The following ZNF804B variants were observed in gnomAD, a reference collection of about 807,000 sequenced individuals.
ZNF804B encodes zinc finger protein 804B, also known as zinc finger 804B.
A neutral mutation model predicts 101.4 loss-of-function variants in ZNF804B; 80 were observed. That is an observed-to-expected ratio of 0.79 (90% CI 0.66 to 0.95). ZNF804B has a LOEUF of 0.95. ZNF804B is among the 40% of genes least tolerant of loss of function. The pLI is 0.00. For synonymous variants in ZNF804B, 622 were observed against 558.8 expected, an observed-to-expected ratio of 1.11 and a Z score of -1.59; for missense variants, 1,673 against 1,561.9, an observed-to-expected ratio of 1.07 and a Z score of -1.20.
intron 1 of ZNF804B, among the ~76,000 whole-genome samples, chr7:89,183,726 G>A (rs1788334330): frequency 6.6e-6 from 1 of 152,060 alleles, no homozygotes; most frequent in East Asian, 1.9e-4. Flanking sequence ...CAGAATCACA[G>A]CACTCATTTT....
intron 1 of ZNF804B, among the ~76,000 whole-genome samples, chr7:89,048,509 T>C (rs772160084): frequency 1.3e-5 from 2 of 151,872 alleles, no homozygotes; most frequent in African/African-American, 2.4e-5. Context: ...GTTCAGTTGG[T>C]TGGGATGCTT....
At chr7:89,155,928 C>T (rs1321803940) in intron 1 of ZNF804B, among the ~76,000 whole-genome samples, 1 of 150,028 alleles carries the variant, frequency 6.7e-6, no homozygotes, top group South Asian at 2.2e-4. Flanking sequence ...CTTTCCCTTG[C>T]TTTCCCTTTC....
intron 1 of ZNF804B, among the ~76,000 whole-genome samples, chr7:89,028,688 T>C (rs1345005442): frequency 6.6e-6 from 1 of 152,184 alleles, no homozygotes; most frequent in Non-Finnish European, 1.5e-5. Flanking sequence ...AATTATGCTT[T>C]GTTTGTGCTG....
Position 89,335,715 on chromosome 7 carries a change from A to C in ZNF804B, c.2733A>C (p.Thr911=). 1.2e-6 allele frequency: 2 copies of C among 1,614,102 alleles called. No individual in the cohort carries two copies. The highest frequency in any genetic ancestry group is 1.7e-6 in the Non-Finnish European group (2 of 1,179,974). The change falls in exon 4 of 4, where the codon ACA becomes ACC. Residue 911 remains threonine (T), a synonymous_variant. Coordinates refer to ENST00000333190, the MANE Select transcript of ZNF804B (RefSeq NM_181646.5). The part of the protein sequence containing the change: ...KNCSSGPSET[T]ESNTAEGERT... ...GTTCCAGTGGCCCTTCAGAAACCACAGAATCAAACACTGCAGAAGGAGAGA... is the reference window on the plus strand; with the variant it reads ...GTTCCAGTGGCCCTTCAGAAACCACCGAATCAAACACTGCAGAAGGAGAGA...
intron 1 of ZNF804B, among the ~76,000 whole-genome samples, chr7:88,813,777 A>G (rs546609962): frequency 2.9e-4 from 44 of 152,338 alleles, no homozygotes; most frequent in African/African-American, 9.9e-4. Flanking sequence ...ATAAACTTAT[A>G]TATTTTCTTA....
chr7:88,793,265 G>A (rs1790408180), intron 1 of ZNF804B, among the ~76,000 whole-genome samples: 1 of 152,036 alleles, frequency 6.6e-6, no homozygotes, highest in African/African-American at 2.4e-5. Context: ...TGGTCACATA[G>A]AAATTATATA....
intron 2 of ZNF804B, among the ~76,000 whole-genome samples, chr7:89,299,023 C>T (rs1232548831): frequency 6.6e-6 from 1 of 151,950 alleles, no homozygotes; most frequent in Admixed American, 6.6e-5. Flanking sequence ...TCAGATACCA[C>T]ACCTACTTCT....
chr7:89,222,696 T>G (rs1304841506), intron 2 of ZNF804B, among the ~76,000 whole-genome samples: 1 of 151,934 alleles, frequency 6.6e-6, no homozygotes, highest in African/African-American at 2.4e-5. Flanking sequence ...TGTCTCTTTT[T>G]CAACACATAC....
intron 2 of ZNF804B, among the ~76,000 whole-genome samples, chr7:89,318,519 T>A (rs1790765041): frequency 6.6e-6 from 1 of 152,152 alleles, no homozygotes; most frequent in Non-Finnish European, 1.5e-5. Flanking sequence ...TCCCAGCACT[T>A]TGAGAGGTCA....
intron 1 of ZNF804B, among the ~76,000 whole-genome samples, chr7:88,931,139 T>C (rs1483206634): frequency 6.6e-6 from 1 of 151,940 alleles, no homozygotes; most frequent in Non-Finnish European, 1.5e-5. Context: ...GCATACACAG[T>C]ATAAACTTTC....
chr7:89,330,207 G>C (rs1192019087), intron 3 of ZNF804B, among the ~76,000 whole-genome samples: 1 of 151,678 alleles, frequency 6.6e-6, no homozygotes, highest in East Asian at 1.9e-4. Flanking sequence ...ATGCAACTGT[G>C]GTTTCAAGGG....
chr7:88,766,868 A>G (rs974642377), intron 1 of ZNF804B, among the ~76,000 whole-genome samples: 14 of 152,164 alleles, frequency 9.2e-5, no homozygotes, highest in Non-Finnish European at 5.9e-5. Flanking sequence ...CAGTTTGTTC[A>G]TTTCTAGCAA....
At chr7:89,093,080 T>C (rs559156439) in intron 1 of ZNF804B, among the ~76,000 whole-genome samples, 1 of 152,356 alleles carries the variant, frequency 6.6e-6, no homozygotes, top group East Asian at 1.9e-4. Context: ...TTTCCATTGC[T>C]AATCCATTAC....
chr7:88,888,528 A>G (rs1031540415), intron 1 of ZNF804B, among the ~76,000 whole-genome samples: 7 of 152,168 alleles, frequency 4.6e-5, no homozygotes, highest in African/African-American at 1.4e-4. Flanking sequence ...TAGCTCTGAA[A>G]GATGATTAAT....
At chr7:88,921,290 A>G (rs1242450392) in intron 1 of ZNF804B, among the ~76,000 whole-genome samples, 2 of 151,990 alleles carry the variant, frequency 1.3e-5, no homozygotes, top group African/African-American at 2.4e-5. Context: ...AGTTTTACTA[A>G]TAATTTCAAA....
At chr7:89,307,295 A>G (rs979865719) in intron 2 of ZNF804B, among the ~76,000 whole-genome samples, 1 of 152,074 alleles carries the variant, frequency 6.6e-6, no homozygotes, top group Admixed American at 6.6e-5. Flanking sequence ...TAGAAAAAGT[A>G]TAGACATAAT....
chr7:88,836,921 C>G (rs1274270268), intron 1 of ZNF804B, among the ~76,000 whole-genome samples: 1 of 151,908 alleles, frequency 6.6e-6, no homozygotes. Context: ...TTTTGAAAAA[C>G]CTTGATTAAT....
chr7:89,292,773 T>C (rs1395906821), intron 2 of ZNF804B, among the ~76,000 whole-genome samples: 1 of 152,004 alleles, frequency 6.6e-6, no homozygotes, highest in Non-Finnish European at 1.5e-5. Flanking sequence ...TGTAATGAAA[T>C]AATTGGATGA....
At chr7:88,896,368 A>G (rs911277979) in intron 1 of ZNF804B, among the ~76,000 whole-genome samples, 3 of 152,160 alleles carry the variant, frequency 2.0e-5, no homozygotes, top group East Asian at 3.9e-4. Context: ...GTGAATGTAA[A>G]CTATTCTAAA....
Sources: gnomAD v4.1 joint callset for allele counts (sites outside exome capture counted in the v4.1 genomes callset) on GRCh38, gnomAD v4.1.1 for gene constraint, MANE v1.5 for transcripts, NCBI Gene and HGNC (gene_info 2026-07-23, HGNC 2026-07-21) for gene names.